Variants in DST observed in about 807,000 individuals in gnomAD.
DST encodes bullous pemphigoid antigen.
A neutral mutation model predicts 875.2 loss-of-function variants in DST; 253 were observed. The observed-to-expected ratio is 0.29, with a 90% CI of 0.26 to 0.32. DST has a LOEUF of 0.32. Ranked by LOEUF, DST falls within the 10% of genes least tolerant of loss-of-function variation. The probability of loss-of-function intolerance (pLI) is 1.00; values close to 1 mark genes in which losing one functional copy is unlikely to be tolerated. For missense variants in DST, 8,287 were observed against 9,111.6 expected (o/e 0.91, Z 3.68); for synonymous variants, 3,124 against 3,197.1 (o/e 0.98, Z 0.77).
At chr6:56,735,152 G>A in intron 5 of DST, 76 bp downstream of exon 5, 2 of 954,680 alleles carry the variant, frequency 2.1e-6, no homozygotes, top group Non-Finnish European at 1.6e-6. Flanking sequence ...GTGCTTCAGA[G>A]CTATATAATC....
At chr6:56,576,580 G>C (rs2097866118) in intron 50 of DST, among the ~76,000 whole-genome samples, 1 of 152,084 alleles carries the variant, frequency 6.6e-6, no homozygotes, top group South Asian at 2.1e-4. Context: ...TGGTGTATGG[G>C]GAGAAATACA....
chr6:56,525,038 C>T (rs930755227), intron 69 of DST, among the ~76,000 whole-genome samples: 1 of 152,086 alleles, frequency 6.6e-6, no homozygotes, highest in Non-Finnish European at 1.5e-5. Flanking sequence ...CAGTTAATGA[C>T]CTTGGCATAT....
At chr6:56,666,605 A>G (rs914015695) in intron 10 of DST, among the ~76,000 whole-genome samples, 3 of 152,192 alleles carry the variant, frequency 2.0e-5, no homozygotes, top group African/African-American at 7.2e-5. Context: ...AGTAAAATCC[A>G]TATAAATGTT....
intron 61 of DST, among the ~76,000 whole-genome samples, chr6:56,541,982 T>C (rs1321262215): frequency 6.6e-6 from 1 of 152,206 alleles, no homozygotes; most frequent in Non-Finnish European, 1.5e-5. Context: ...TATTTCCAGA[T>C]TAAAATTTCC....
intron 4 of DST, among the ~76,000 whole-genome samples, chr6:56,824,655 G>A (rs1183124686): frequency 4.0e-5 from 6 of 151,488 alleles, no homozygotes; most frequent in African/African-American, 9.7e-5. Context: ...CTGACCGGCC[G>A]CGACCCCGTC....
At chr6:56,953,953 G>A (rs1420708592) in intron 1 of DST, 134 bp from the exon 2 acceptor site, 4 of 472,072 alleles carry the variant, frequency 8.5e-6, no homozygotes, top group Non-Finnish European at 1.5e-5. Flanking sequence ...GGACATCCTG[G>A]GGGAGGGAGG....
intron 71 of DST, 83 bp downstream of exon 71, chr6:56,517,115 G>C (rs1056893174): frequency 1.3e-5 from 13 of 976,664 alleles, no homozygotes; most frequent in Non-Finnish European, 2.0e-5. Flanking sequence ...GTGGATAACG[G>C]AGAAGTGTTT....
chr6:56,614,481 A>T lies in DST; in HGVS notation c.4933T>A (p.Ser1645Thr). ...TGTTCTTTCTTTTCTTCTTCCAGTGACTTCTGACAGTTGTGAGCGGTAAGA... is the reference window on the plus strand; with the variant it reads ...TGTTCTTTCTTTTCTTCTTCCAGTGTCTTCTGACAGTTGTGAGCGGTAAGA... ...SLKRLEEEEKSLEEEKKEHVE... is the reference protein window; with the variant it reads ...SLKRLEEEEKTLEEEKKEHVE... Residue 1645 changes from serine to threonine, a missense_variant, in exon 37 of 104, where the codon TCA becomes ACA. This residue lies in a region of DST where 3,138 missense variants were observed against 3,116.6 expected (regional missense o/e 1.01). Coordinates refer to ENST00000680361, the MANE Select transcript of DST (RefSeq NM_001374736.1). 1 of 1,602,004 alleles carries T rather than the reference A, an allele frequency of 6.2e-7. No homozygotes were observed.
In DST at chr6:56,629,444, C is replaced by T; in HGVS notation, c.4282-1G>A. The T allele has an allele frequency of 6.2e-7, 1 of 1,609,070 alleles. No individual in the cohort carries two copies. The highest frequency in any genetic ancestry group is 8.5e-7 in the Non-Finnish European group (1 of 1,175,898). Reference sequence around the variant, plus strand: ...TTTCATCTACTTCAGATCTCCATTGCTAAAATACATTAATTGGTAAAAGTT... The same window carrying T: ...TTTCATCTACTTCAGATCTCCATTGTTAAAATACATTAATTGGTAAAAGTT... On this transcript the variant is annotated splice_acceptor_variant, in intron 31 of 103. Transcript: ENST00000680361. LOFTEE classifies it high-confidence loss of function.
rs59073430 is a variant in DST, at chr6:56,714,878, T to C, written c.688-10509A>G. 0.089 allele frequency among the ~76,000 whole-genome samples: 13,525 copies of C among 152,258 alleles called. 1,918 individuals carry two copies. The highest frequency in any genetic ancestry group is 0.3 in the African/African-American group (12,426 of 41,508). ...CGTCATCCAGGCAGTGATGGTTTCC[T>C]TCTTCTGCACTCCCATATTCTTTGG... On this transcript the variant is annotated intron_variant, in intron 5 of 103. Coordinates refer to ENST00000680361, the MANE Select transcript of DST (RefSeq NM_001374736.1). The surrounding 1 kb of genome is among the most constrained non-coding windows in gnomAD (Gnocchi z 4.5).
chr6:56,642,450 C>T lies in DST; in HGVS notation c.1832G>A (p.Cys611Tyr). ...ANRVQRDSVICEDKLILAGNA... is the reference protein window; with the variant it reads ...ANRVQRDSVIYEDKLILAGNA... ...TCCAGCAAGAATCAGTTTGTCTTCA[C>T]AGATGACACTGTCCCTCTGAACTCT... is the stretch of plus-strand genomic sequence containing the variant. The change falls in exon 16 of 104, where the codon TGT becomes TAT. Residue 611 changes from cysteine (C) to tyrosine (Y), a missense_variant. Transcript: ENST00000680361. 3.7e-6 allele frequency: 6 copies of T among 1,613,756 alleles called. 1 individual carries two copies. The South Asian group carries it at 6.6e-5, about 18-fold the overall frequency.
chr6:56,729,891 G>A (rs113525222), intron 5 of DST, among the ~76,000 whole-genome samples: 25 of 152,264 alleles, frequency 1.6e-4, no homozygotes, highest in Admixed American at 4.6e-4. Context: ...TTCCAAAGTC[G>A]TGATGGAACA....
At chr6:56,941,165 T>C (rs1816334796) in intron 2 of DST, among the ~76,000 whole-genome samples, 1 of 152,208 alleles carries the variant, frequency 6.6e-6, no homozygotes, top group Non-Finnish European at 1.5e-5. Flanking sequence ...CCTTCTTTTC[T>C]AAGATAAGCA....
chr6:56,589,106 C>G (rs983936115), intron 49 of DST, among the ~76,000 whole-genome samples: 2 of 152,154 alleles, frequency 1.3e-5, no homozygotes, highest in African/African-American at 4.8e-5. Flanking sequence ...GTTTTAACAT[C>G]TTTGTGCCTT....
intron 4 of DST, among the ~76,000 whole-genome samples, chr6:56,840,448 C>T (rs937072387): frequency 2.5e-4 from 38 of 152,082 alleles, no homozygotes; most frequent in South Asian, 2.1e-4. Flanking sequence ...TTTATTCAGC[C>T]GAAGTTTGGT....
chr6:56,756,068 T>C (rs1468740301), intron 4 of DST, among the ~76,000 whole-genome samples: 1 of 151,620 alleles, frequency 6.6e-6, no homozygotes. Context: ...AAGAGGGGAG[T>C]CAAGACTAAT....
Position 56,598,009 on chromosome 6 carries a change from G to A in DST, c.11929-3C>T. 3 of 1,578,322 alleles carry A rather than the reference G, an allele frequency of 1.9e-6. No individual in the cohort carries two copies. Among genetic ancestry groups the A allele is most frequent in the East Asian group, 2.2e-5 (1 of 44,518 alleles). ...TCCAGCTGCTTCACTGCTGCTACCT[G>A]GGAAGGGAAAGTTCACAGGAGGAAT... On this transcript the variant is annotated splice_polypyrimidine_tract_variant and splice_region_variant and intron_variant, in intron 46 of 103. Transcript: ENST00000680361.
chr6:56,583,123 G>A (rs1022572582), intron 49 of DST, among the ~76,000 whole-genome samples: 6 of 152,168 alleles, frequency 3.9e-5, no homozygotes, highest in East Asian at 1.9e-4. Context: ...TAATGGGATG[G>A]CTGGGTCAAA....
At chr6:56,782,891 T>C (rs931015933) in intron 4 of DST, among the ~76,000 whole-genome samples, 74 of 152,334 alleles carry the variant, frequency 4.9e-4, no homozygotes, top group Non-Finnish European at 9.4e-4. Context: ...ACACACTGCT[T>C]TGAATGTGTC....
Sources: allele counts gnomAD v4.1 joint callset (sites outside exome capture counted in the v4.1 genomes callset), GRCh38; gene constraint gnomAD v4.1.1; regional missense constraint gnomAD v4.1.1; non-coding constraint Gnocchi (gnomAD v3.1); transcripts MANE v1.5; gene names NCBI Gene and HGNC (gene_info 2026-07-23, HGNC 2026-07-21).